TRIO: variants seen among roughly 807,000 people sequenced by gnomAD.
TRIO encodes the protein triple functional domain protein.
Under a neutral mutation model 351.9 loss-of-function variants are expected in TRIO, and 58 were observed. The ratio of observed to expected loss-of-function variants is 0.16; its 90% confidence interval spans 0.13 to 0.21. TRIO has a LOEUF of 0.21. TRIO is among the 10% of genes least tolerant of loss of function. The pLI is 1.00. For synonymous variants in TRIO, 1,758 were observed against 1,595.7 expected, an observed-to-expected ratio of 1.10 and a Z score of -2.42; for missense variants, 3,201 against 4,027.8, an observed-to-expected ratio of 0.79 and a Z score of 5.56.
At chr5:14,462,709 G>A in intron 35 of TRIO, 46 bp from the exon 36 acceptor site, 2 of 1,608,712 alleles carry the variant, frequency 1.2e-6, no homozygotes, top group Non-Finnish European at 8.5e-7. Flanking sequence ...GTCCACGTCT[G>A]TGAACTGGCC....
At chr5:14,277,482 T>C (rs916490444) in intron 2 of TRIO, among the ~76,000 whole-genome samples, 2 of 152,214 alleles carry the variant, frequency 1.3e-5, no homozygotes, top group African/African-American at 4.8e-5. Flanking sequence ...TTCATTTCAT[T>C]GTAGAAACTA....
intron 1 of TRIO, among the ~76,000 whole-genome samples, chr5:14,252,506 G>C (rs573397865): frequency 6.6e-6 from 1 of 152,280 alleles, no homozygotes; most frequent in Non-Finnish European, 1.5e-5. Context: ...GTCTTACCTG[G>C]ATCCCCGAGG....
At chr5:14,498,711 G>A in intron 53 of TRIO, 71 bp downstream of exon 53, 1 of 1,583,808 alleles carries the variant, frequency 6.3e-7, no homozygotes. Context: ...CTTAAGTCCT[G>A]AGTCTGCCCT....
chr5:14,197,708 A>C (rs1168852485), intron 1 of TRIO, among the ~76,000 whole-genome samples: 1 of 152,222 alleles, frequency 6.6e-6, no homozygotes, highest in East Asian at 1.9e-4. Context: ...TATTATTCAC[A>C]GTGGTAACAG....
At chr5:14,299,604 AAG>A (rs1737681763) in intron 7 of TRIO, among the ~76,000 whole-genome samples, 1 of 152,214 alleles carries the variant, frequency 6.6e-6, no homozygotes, top group Non-Finnish European at 1.5e-5. Flanking sequence ...TTCTTTTCCC[AAG>A]AGAGCAATCC....
intron 40 of TRIO, among the ~76,000 whole-genome samples, chr5:14,476,457 C>G (rs1428485881): frequency 1.3e-5 from 2 of 152,146 alleles, no homozygotes; most frequent in African/African-American, 4.8e-5. Context: ...TAAATATATA[C>G]TTCACACTTC....
In TRIO at chr5:14,190,761, T is replaced by TA. The variant is rs1308809499; in HGVS notation, c.157+46888dup. Among the ~76,000 whole-genome samples, 714 of 151,444 alleles carry TA rather than the reference T, an allele frequency of 4.7e-3. 7 individuals carry two copies. The highest frequency in any genetic ancestry group is 0.017 in the Middle Eastern group (5 of 294). ...CCTGTCTTAAAAGAGCTGACTAAAT[T>TA]AAAAAAAAATCCACCTCAAAAAGAA... On this transcript the variant is annotated intron_variant, in intron 1 of 56. Transcript: ENST00000344204.
chr5:14,145,754 T>A (rs1340824592), intron 1 of TRIO, among the ~76,000 whole-genome samples: 1 of 152,154 alleles, frequency 6.6e-6, no homozygotes, highest in Non-Finnish European at 1.5e-5. Flanking sequence ...AGTACAAAAA[T>A]CACTTCTGCT....
Position 14,509,102 on chromosome 5 carries a change from T to G in TRIO, c.*680T>G. 1 of 157,856 alleles carries G rather than the reference T, an allele frequency of 6.3e-6. No homozygotes were observed. The highest frequency in any genetic ancestry group is 8.1e-5 in the Admixed American group (1 of 12,330). The allele number at this position is 157,856 out of a possible 1,614,324, so 9.8% of individuals were successfully genotyped here. A position where few individuals can be genotyped will look rare whatever the true frequency, so the allele number is the denominator to read the frequency against. Reference sequence around the variant, plus strand: ...CACCACCTGGGGCTTCCTCTGGGGGTCCGAGGGTCTTCCCATCACATGAAG... The same window carrying G: ...CACCACCTGGGGCTTCCTCTGGGGGGCCGAGGGTCTTCCCATCACATGAAG... On this transcript the variant is annotated 3_prime_UTR_variant, in exon 57 of 57. Transcript: ENST00000344204.
chr5:14,294,022 AT>A (rs141127268), intron 6 of TRIO, among the ~76,000 whole-genome samples: 22,078 of 47,562 alleles, frequency 0.46, 3,370 homozygotes, highest in African/African-American at 0.58. Context: ...AAAAAAAAAA[AT>A]AATAATTAAA....
At chr5:14,489,251 C>G (rs920777815) in intron 48 of TRIO, 1 of 493,854 alleles carries the variant, frequency 2.0e-6, no homozygotes, top group African/African-American at 1.9e-5. Flanking sequence ...CTTATCCTTT[C>G]CTACTATTTT....
chr5:14,460,317 G>C (rs969387626), intron 34 of TRIO, among the ~76,000 whole-genome samples: 3 of 152,160 alleles, frequency 2.0e-5, no homozygotes, highest in East Asian at 3.9e-4. Context: ...GCAAAGTCCC[G>C]GTGTGCCGCC....
chr5:14,166,829 T>C (rs1033104525), intron 1 of TRIO, among the ~76,000 whole-genome samples: 1 of 152,138 alleles, frequency 6.6e-6, no homozygotes, highest in Non-Finnish European at 1.5e-5. Context: ...AGACGGTAGA[T>C]TCTTACGGAT....
chr5:14,144,288 AGCGGACT>A (rs1487506159), intron 1 of TRIO, among the ~76,000 whole-genome samples: 1 of 151,910 alleles, frequency 6.6e-6, no homozygotes, highest in Non-Finnish European at 1.5e-5. Flanking sequence ...CCGGAGGCCG[AGCGGACT>A]GAGCCGGGGC....
rs564264115 is a variant in TRIO at position 14,418,448 on chromosome 5, T to C, written c.4960-1330T>C. ...ATGGGAGTGCAGAGAAAGGAAGTGA[T>C]CGGAGAGCCGCGCAACATCTGCTCG... On this transcript the variant is annotated intron_variant, in intron 33 of 56. Coordinates refer to ENST00000344204, the MANE Select transcript of TRIO (RefSeq NM_007118.4). Among the ~76,000 whole-genome samples the C allele has an allele frequency of 3.9e-5, 6 of 152,170 alleles. No homozygotes were observed. In the South Asian group the frequency reaches 1.2e-3, roughly 32 times the overall value.
At chr5:14,277,550 T>A (rs972003388) in intron 2 of TRIO, among the ~76,000 whole-genome samples, 3 of 152,236 alleles carry the variant, frequency 2.0e-5, no homozygotes, top group Non-Finnish European at 4.4e-5. Context: ...TGCCTCACCA[T>A]GTGGCTTACG....
At chr5:14,405,736 A>T (rs1328962546) in intron 31 of TRIO, 112 bp from the exon 32 acceptor site, 2 of 1,213,610 alleles carry the variant, frequency 1.6e-6, no homozygotes, top group Non-Finnish European at 2.2e-6. Context: ...TTTTCTGCTA[A>T]AAAGTCATTT....
At chr5:14,457,707 T>A (rs1753464359) in intron 34 of TRIO, among the ~76,000 whole-genome samples, 1 of 152,160 alleles carries the variant, frequency 6.6e-6, no homozygotes, top group African/African-American at 2.4e-5. Context: ...CAGAGGCCGC[T>A]GGATCTGCTG....
intron 9 of TRIO, among the ~76,000 whole-genome samples, chr5:14,324,682 G>A (rs1740208329): frequency 6.6e-6 from 1 of 152,130 alleles, no homozygotes; most frequent in East Asian, 1.9e-4. Flanking sequence ...ACTTATCCGA[G>A]CCTCAATTTC....
Sources: gnomAD v4.1 joint callset for allele counts (sites outside exome capture counted in the v4.1 genomes callset) on GRCh38, gnomAD v4.1.1 for gene constraint, MANE v1.5 for transcripts, NCBI Gene and HGNC (gene_info 2026-07-23, HGNC 2026-07-21) for gene names.